The following RCAN2 variants were observed in gnomAD, a reference collection of about 807,000 sequenced individuals.
The protein encoded by RCAN2 is calcipressin-2.
A neutral mutation model predicts 23.6 loss-of-function variants in RCAN2; 9 were observed. The observed-to-expected ratio is 0.38, with a 90% confidence interval of 0.23 to 0.67. The LOEUF (loss-of-function observed/expected upper bound fraction) is 0.67. Ranked by LOEUF, RCAN2 falls within the 30% of genes least tolerant of loss-of-function variation. The pLI, the probability that RCAN2 is intolerant of heterozygous loss-of-function variation, is 0.51. For synonymous variants in RCAN2, 109 were observed against 115.7 expected (o/e 0.94, Z 0.37); for missense variants, 273 against 302.3 (o/e 0.90, Z 0.72).
At chr6:46,398,661 G>T (rs1180833479) in intron 2 of RCAN2, among the ~76,000 whole-genome samples, 1 of 151,950 alleles carries the variant, frequency 6.6e-6, no homozygotes, top group Non-Finnish European at 1.5e-5. Flanking sequence ...ACATATTTCT[G>T]GCTAGTAAAA....
chr6:46,295,279 G>A (rs1217237122), intron 2 of RCAN2, among the ~76,000 whole-genome samples: 1 of 152,108 alleles, frequency 6.6e-6, no homozygotes, highest in Non-Finnish European at 1.5e-5. Context: ...ACAGATCTGG[G>A]CCTGAGACAG....
At chr6:46,437,731 AGTGGTGACAGAATCTTTACT>A (rs1378306876) in intron 2 of RCAN2, among the ~76,000 whole-genome samples, 1 of 152,214 alleles carries the variant, frequency 6.6e-6, no homozygotes, top group Non-Finnish European at 1.5e-5. Flanking sequence ...CCAACTGCTG[AGTGGTGACAGAATCTTTACT>A]GTGGTGACTT....
At chr6:46,300,259 C>T (rs1762863609) in intron 2 of RCAN2, among the ~76,000 whole-genome samples, 1 of 151,712 alleles carries the variant, frequency 6.6e-6, no homozygotes, top group Non-Finnish European at 1.5e-5. Context: ...AATTGAAAGA[C>T]AAAAATTACC....
intron 2 of RCAN2, among the ~76,000 whole-genome samples, chr6:46,260,872 T>TCCG (rs1211977556): frequency 6.6e-6 from 1 of 152,246 alleles, no homozygotes; most frequent in African/African-American, 2.4e-5. Flanking sequence ...GACTTTTGAG[T>TCCG]AAGTAGTTAT....
intron 2 of RCAN2, among the ~76,000 whole-genome samples, chr6:46,343,605 G>A (rs1764400120): frequency 6.6e-6 from 1 of 152,052 alleles, no homozygotes; most frequent in African/African-American, 2.4e-5. Context: ...TCGATCTCCT[G>A]ACCTCGTGAT....
chr6:46,347,762 CA>C (rs1247368764), intron 2 of RCAN2, among the ~76,000 whole-genome samples: 10 of 151,940 alleles, frequency 6.6e-5, no homozygotes, highest in Non-Finnish European at 1.3e-4. Flanking sequence ...CAAAAACAAA[CA>C]AACAAACAAA....
intron 1 of RCAN2, among the ~76,000 whole-genome samples, chr6:46,464,551 A>G (rs2150437436): frequency 6.6e-6 from 1 of 152,244 alleles, no homozygotes; most frequent in East Asian, 1.9e-4. Flanking sequence ...ACAACAAACC[A>G]AGCCAGCCAT....
chr6:46,337,528 A>C (rs1201856534), intron 2 of RCAN2, among the ~76,000 whole-genome samples: 1 of 152,244 alleles, frequency 6.6e-6, no homozygotes, highest in Non-Finnish European at 1.5e-5. Flanking sequence ...CTAGAAAAGC[A>C]AACGTACCAT....
chr6:46,320,079 C>G (rs1763562865), intron 2 of RCAN2, among the ~76,000 whole-genome samples: 2 of 152,206 alleles, frequency 1.3e-5, no homozygotes. Flanking sequence ...AGGATTAAAT[C>G]ATATACAACT....
chr6:46,294,470 T>G (rs1303878265), intron 2 of RCAN2, among the ~76,000 whole-genome samples: 4 of 152,184 alleles, frequency 2.6e-5, no homozygotes, highest in Admixed American at 6.5e-5. Context: ...GTAATTGATC[T>G]CAAGGAAATA....
chr6:46,248,095 G>A (rs1353342086), intron 3 of RCAN2, among the ~76,000 whole-genome samples: 1 of 152,216 alleles, frequency 6.6e-6, no homozygotes, highest in Admixed American at 6.5e-5. Context: ...GGTATCTAGT[G>A]ATGAGGTGAG....
At chr6:46,329,856 G>A (rs935780949) in intron 2 of RCAN2, among the ~76,000 whole-genome samples, 1 of 152,152 alleles carries the variant, frequency 6.6e-6, no homozygotes, top group Non-Finnish European at 1.5e-5. Flanking sequence ...TTCAGTTCAG[G>A]CAATTCTCTA....
intron 2 of RCAN2, among the ~76,000 whole-genome samples, chr6:46,281,854 G>C (rs986307064): frequency 1.8e-5 from 1 of 55,560 alleles, no homozygotes; most frequent in African/African-American, 6.1e-5. Context: ...ATGAAACTAA[G>C]GCTTATAAGT....
intron 2 of RCAN2, among the ~76,000 whole-genome samples, chr6:46,293,279 T>TA (rs1235269057): frequency 6.6e-6 from 1 of 152,194 alleles, no homozygotes; most frequent in African/African-American, 2.4e-5. Context: ...TCCTTGGAAT[T>TA]AAGCTGAAAA....
At chr6:46,376,302 C>T (rs1261164743) in intron 2 of RCAN2, among the ~76,000 whole-genome samples, 1 of 152,196 alleles carries the variant, frequency 6.6e-6, no homozygotes, top group East Asian at 1.9e-4. Flanking sequence ...TCCCTTGCCT[C>T]TTTGCAAAAC....
intron 2 of RCAN2, among the ~76,000 whole-genome samples, chr6:46,418,189 T>C (rs890089796): frequency 2.6e-5 from 4 of 151,646 alleles, no homozygotes; most frequent in Non-Finnish European, 5.9e-5. Context: ...ACGTCCATTA[T>C]AAGGTCAGAG....
At chr6:46,363,115 G>C (rs961933150) in intron 2 of RCAN2, among the ~76,000 whole-genome samples, 1 of 152,120 alleles carries the variant, frequency 6.6e-6, no homozygotes, top group Non-Finnish European at 1.5e-5. Flanking sequence ...AGCATAAAGT[G>C]GGAATAAGTA....
intron 4 of RCAN2, among the ~76,000 whole-genome samples, chr6:46,244,734 T>C (rs1248512963): frequency 1.3e-5 from 2 of 152,224 alleles, no homozygotes; most frequent in African/African-American, 4.8e-5. Context: ...TGCTTCGCTC[T>C]GGGCCTTAGT....
chr6:46,428,338 C>T (rs1010519555), intron 2 of RCAN2, among the ~76,000 whole-genome samples: 1 of 152,168 alleles, frequency 6.6e-6, no homozygotes, highest in African/African-American at 2.4e-5. Flanking sequence ...ACAGCAGCGT[C>T]ACCTTGTAGT....
Sources: allele counts gnomAD v4.1 joint callset (sites outside exome capture counted in the v4.1 genomes callset), GRCh38; gene constraint gnomAD v4.1.1; transcripts MANE v1.5; gene names NCBI Gene and HGNC (gene_info 2026-07-23, HGNC 2026-07-21).